The following LRIT1 variants were observed in gnomAD, a reference collection of about 807,000 sequenced individuals.
LRIT1 encodes the protein leucine-rich repeat, immunoglobulin-like domain and transmembrane domain-containing protein 1.
A neutral mutation model predicts 24.0 loss-of-function variants in LRIT1; 23 were observed. That is an observed-to-expected ratio of 0.96 (90% CI 0.69 to 1.36). LRIT1 has a LOEUF of 1.36. LRIT1 is among the 40% of genes most tolerant of loss of function. The pLI is 0.00. For missense variants in LRIT1, 846 were observed against 806.3 expected (o/e 1.05, Z -0.60); for synonymous variants, 361 against 340.5 (o/e 1.06, Z -0.66).
chr10:84,237,250 G>A lies in LRIT1; in HGVS notation c.559C>T (p.Pro187Ser), dbSNP rs576531515. ...ACCCGCCTGGGGTGGTGGCCGGGAGGAAAGATACCGGTCTCCAGGTGAGCC... is the reference window on the plus strand; with the variant it reads ...ACCCGCCTGGGGTGGTGGCCGGGAGAAAAGATACCGGTCTCCAGGTGAGCC... ...SWAHLETGIF[P>S]PGHHPRRVLG... is the part of the protein sequence containing the mutation. Residue 187 changes from proline to serine, a missense_variant, in exon 2 of 4, where the codon CCT becomes TCT. Physicochemically the swap from Pro to Ser is moderately conservative, Grantham distance 74 (BLOSUM62 -1). Coordinates refer to ENST00000372105, the MANE Select transcript of LRIT1 (RefSeq NM_015613.3). 1 of 1,550,654 alleles carries A rather than the reference G, an allele frequency of 6.4e-7. No homozygotes were observed. The highest frequency in any genetic ancestry group is 1.4e-5 in the African/African-American group (1 of 73,154).
intron 2 of LRIT1, among the ~76,000 whole-genome samples, chr10:84,235,477 G>A (rs1291882517): frequency 6.6e-6 from 1 of 152,194 alleles, no homozygotes. Context: ...GAATGTAAAA[G>A]GCAAAGTTAA....
At chr10:84,239,663 A>C (rs1272717643) in intron 1 of LRIT1, among the ~76,000 whole-genome samples, 1 of 152,232 alleles carries the variant, frequency 6.6e-6, no homozygotes, top group Non-Finnish European at 1.5e-5. Flanking sequence ...GACAAACAGC[A>C]TGGGCACAAA....
rs1231286973 is a variant in LRIT1 at position 84,237,673 on chromosome 10, T to A, written c.136A>T (p.Asn46Tyr). 1 of 1,600,380 alleles carries A rather than the reference T, an allele frequency of 6.2e-7. No individual in the cohort carries two copies. Among genetic ancestry groups the A allele is most frequent in the Admixed American group, 1.7e-5 (1 of 59,288 alleles). The change falls in exon 2 of 4, where the codon AAC (asparagine) becomes TAC (tyrosine). Residue 46 changes from asparagine (N) to tyrosine (Y), a missense_variant. Physicochemically the swap from Asn to Tyr is moderately radical, Grantham distance 143 (BLOSUM62 -2). Transcript: ENST00000372105. The stretch of plus-strand genomic sequence containing the variant: ...GGGGGCAGGGTCATGTCGGGGTCGT[T>A]GCACACTACTGTCCTGCTGGCAGAA... ...DGSKARTVVC[N>Y]DPDMTLPPAS...
At chr10:84,237,958 C>T (rs971327719) in intron 1 of LRIT1, among the ~76,000 whole-genome samples, 4 of 152,160 alleles carry the variant, frequency 2.6e-5, no homozygotes, top group Non-Finnish European at 4.4e-5. Flanking sequence ...TACACTGTTA[C>T]GACCCATAAC....
chr10:84,237,150 C>T, intron 2 of LRIT1, 70 bp downstream of exon 2: 1 of 1,213,304 alleles, frequency 8.2e-7, no homozygotes, highest in African/African-American at 1.5e-5. Context: ...TTTCAATTTT[C>T]CAAATAATCG....
chr10:84,237,836 G>A lies in LRIT1; in HGVS notation c.123-150C>T, dbSNP rs141220529. On this transcript the variant is annotated intron_variant, in intron 1 of 3. Coordinates refer to ENST00000372105, the MANE Select transcript of LRIT1 (RefSeq NM_015613.3). ...AGCCATGACGGGGACCTGGAGAGGG[G>A]CCCGGAGTAAGCAGACCTACTTTTC... 14 of 630,406 alleles carry A rather than the reference G, an allele frequency of 2.2e-5. No individual in the cohort carries two copies. The East Asian group carries it at 3.1e-4, about 14-fold the overall frequency. 39.1% of individuals were successfully genotyped at this position (630,406 alleles called of 1,614,324 possible). A position where few individuals can be genotyped will look rare whatever the true frequency, so the allele number is the denominator to read the frequency against.
intron 2 of LRIT1, among the ~76,000 whole-genome samples, chr10:84,236,025 G>A (rs1842644521): frequency 6.6e-6 from 1 of 151,574 alleles, no homozygotes. Flanking sequence ...GGCCGGGTGC[G>A]GTGGCTCACA....
rs1311599482 is a variant in LRIT1 at position 84,234,326 on chromosome 10, A to G, written c.642T>C (p.His214=). 6.2e-7 allele frequency: 1 copy of G among 1,602,792 alleles called. No individual in the cohort carries two copies. Among genetic ancestry groups the G allele is most frequent in the Non-Finnish European group, 8.5e-7 (1 of 1,173,826 alleles). The change falls in exon 3 of 4, where the codon CAT becomes CAC. Residue 214 remains histidine, a synonymous_variant. Coordinates refer to ENST00000372105, the MANE Select transcript of LRIT1 (RefSeq NM_015613.3). ...ACDCRLYDLV[H]LLDGWAPNLA... Reference sequence around the variant, plus strand: ...AGTTTGGGGCCCAGCCATCCAAAAGATGAACCAGGTCATAGAGTCGGCAGT... The same window carrying G: ...AGTTTGGGGCCCAGCCATCCAAAAGGTGAACCAGGTCATAGAGTCGGCAGT...
intron 1 of LRIT1, 73 bp from the exon 2 acceptor site, chr10:84,237,759 C>T: frequency 8.4e-7 from 1 of 1,186,452 alleles, no homozygotes; most frequent in South Asian, 1.4e-5. Context: ...TACCTCCCTT[C>T]GCGAGGCCTC....
At chr10:84,241,058 G>A (rs1842686910) in intron 1 of LRIT1, among the ~76,000 whole-genome samples, 1 of 152,116 alleles carries the variant, frequency 6.6e-6, no homozygotes, top group Non-Finnish European at 1.5e-5. Context: ...GGAGGACTTA[G>A]GAAGGACTTC....
At chr10:84,236,313 T>C (rs1288845347) in intron 2 of LRIT1, among the ~76,000 whole-genome samples, 3 of 149,872 alleles carry the variant, frequency 2.0e-5, no homozygotes, top group Non-Finnish European at 3.0e-5. Flanking sequence ...AAAAAAGGAA[T>C]GTATTGCCAA....
Position 84,237,589 on chromosome 10 carries a change from C to T in LRIT1, c.220G>A (p.Val74Ile), listed in dbSNP as rs571646149. Residue 74 changes from valine to isoleucine, a missense_variant, in exon 2 of 4, where the codon GTT (valine) becomes ATT (isoleucine). Val to Ile is a conservative substitution (Grantham distance 29, BLOSUM62 3). Coordinates refer to ENST00000372105, the MANE Select transcript of LRIT1 (RefSeq NM_015613.3). Reference sequence around the variant, plus strand: ...AGGGGCCTGAAGGCCTCGCCAGGAACCCTGCGTATGGCCGTCCGCTCCAGG... The same window carrying T: ...AGGGGCCTGAAGGCCTCGCCAGGAATCCTGCGTATGGCCGTCCGCTCCAGG... ...LRLERTAIRR[V>I]PGEAFRPLGR... The T allele has an allele frequency of 6.8e-6, 11 of 1,606,612 alleles. No homozygotes were observed. In the African/African-American group the frequency reaches 1.5e-4, roughly 21 times the overall value.
chr10:84,238,989 C>G (rs1842673457), intron 1 of LRIT1, among the ~76,000 whole-genome samples: 2 of 152,216 alleles, frequency 1.3e-5, no homozygotes, highest in Non-Finnish European at 2.9e-5. Context: ...CTTGTAATAG[C>G]ATAACCTACT....
chr10:84,234,297 G>A lies in LRIT1; in HGVS notation c.671C>T (p.Ala224Val). ...HLLDGWAPNL[A>V]FIETELRCAS... Reference sequence around the variant, plus strand: ...ACATCTCAGTTCAGTCTCAATGAAGGCCAAGTTTGGGGCCCAGCCATCCAA... The same window carrying A: ...ACATCTCAGTTCAGTCTCAATGAAGACCAAGTTTGGGGCCCAGCCATCCAA... The change falls in exon 3 of 4, where the codon GCC (alanine) becomes GTC (valine). Residue 224 changes from alanine (A) to valine (V), a missense_variant. By Grantham distance (64) the Ala-to-Val change is moderately conservative. Coordinates refer to ENST00000372105, the MANE Select transcript of LRIT1 (RefSeq NM_015613.3). 1 of 1,610,584 alleles carries A rather than the reference G, an allele frequency of 6.2e-7. No individual in the cohort carries two copies. The highest frequency in any genetic ancestry group is 2.2e-5 in the East Asian group (1 of 44,792).
At chr10:84,233,892 A>T (rs1044539497) in intron 3 of LRIT1, among the ~76,000 whole-genome samples, 181 bp downstream of exon 3, 2 of 152,232 alleles carry the variant, frequency 1.3e-5, no homozygotes, top group African/African-American at 2.4e-5. Context: ...GTCATTGTTG[A>T]ATCTGTTGTC....
At position 84,231,988 on chromosome 10, in the gene LRIT1, C is replaced by T; in HGVS notation, c.1811G>A (p.Ser604Asn). 1.9e-6 allele frequency: 3 copies of T among 1,614,010 alleles called. No homozygotes were observed. The highest frequency in any genetic ancestry group is 2.5e-6 in the Non-Finnish European group (3 of 1,179,928). The change falls in exon 4 of 4, where the codon AGT becomes AAT. Residue 604 changes from serine to asparagine, a missense_variant. By Grantham distance (46) the Ser-to-Asn change is conservative (BLOSUM62 1). Coordinates refer to ENST00000372105, the MANE Select transcript of LRIT1 (RefSeq NM_015613.3). ...GACTCCAAAGGCCTGAAAGTCCACA[C>T]TGGAACGAGCTGAGAGAAGCCTGTC... ...EADRLLSARS[S>N]VDFQAFGVKG...
chr10:84,235,132 T>A (rs540287759), intron 2 of LRIT1, among the ~76,000 whole-genome samples: 1 of 152,362 alleles, frequency 6.6e-6, no homozygotes, highest in African/African-American at 2.4e-5. Flanking sequence ...GATGTTCTTT[T>A]AGTCCCCAAA....
chr10:84,235,273 G>A (rs1014088966), intron 2 of LRIT1, among the ~76,000 whole-genome samples: 1 of 152,088 alleles, frequency 6.6e-6, no homozygotes, highest in South Asian at 2.1e-4. Context: ...TGTCTCTCAG[G>A]TCTCTTTGAG....
At chr10:84,233,819 G>A (rs1050995274) in intron 3 of LRIT1, among the ~76,000 whole-genome samples, 3 of 152,198 alleles carry the variant, frequency 2.0e-5, no homozygotes, top group African/African-American at 7.2e-5. Flanking sequence ...TGTTCTCTCA[G>A]GGTGGGCCCC....
Sources: gnomAD v4.1 joint callset for allele counts (sites outside exome capture counted in the v4.1 genomes callset) on GRCh38, gnomAD v4.1.1 for gene constraint, MANE v1.5 for transcripts, NCBI Gene and HGNC (gene_info 2026-07-23, HGNC 2026-07-21) for gene names.